Variants in RAI1 observed in about 807,000 individuals in gnomAD.
The protein encoded by RAI1 is retinoic acid induced 1.
RAI1 carries 9 observed loss-of-function variants against 123.8 expected under a neutral mutation model. The ratio of observed to expected loss-of-function variants is 0.07; its 90% CI spans 0.04 to 0.13. RAI1 has a LOEUF of 0.13. RAI1 is among the 10% of genes least tolerant of loss of function. The pLI, the probability that RAI1 is intolerant of heterozygous loss-of-function variation, is 1.00. For synonymous variants in RAI1, 1,231 were observed against 1,127.3 expected (o/e 1.09, Z -1.84); for missense variants, 2,256 against 2,545.8 (o/e 0.89, Z 2.45).
chr17:17,795,809 A>G lies in RAI1; in HGVS notation c.2861A>G (p.Glu954Gly). ...CTGTCACACATGAAGCCAGGTGAAGAGGGGCCTGATGGGGAGCGAGCTCCA... is the reference window on the plus strand; with the variant it reads ...CTGTCACACATGAAGCCAGGTGAAGGGGGGCCTGATGGGGAGCGAGCTCCA... ...SSLSHMKPGEEGPDGERAPGD... is the reference protein window; with the variant it reads ...SSLSHMKPGEGGPDGERAPGD... The change falls in exon 3 of 6, where the codon GAG (glutamate) becomes GGG (glycine). Residue 954 changes from glutamate (E) to glycine (G), a missense_variant. Physicochemically the swap from Glu to Gly is moderately conservative, Grantham distance 98. Around this residue, in one of 7 missense-constraint regions of RAI1, gnomAD observed 566 missense variants for 616.0 expected, o/e 0.92. Transcript: ENST00000353383. This position sits in a 1 kb window ranked among gnomAD's most constrained non-coding sequence, Gnocchi z 5.9. 1 of 1,613,628 alleles carries G rather than the reference A, an allele frequency of 6.2e-7. No individual in the cohort carries two copies.
Position 17,797,171 on chromosome 17 carries a change from T to C in RAI1, c.4223T>C (p.Leu1408Ser), listed in dbSNP as rs2032289537. Residue 1408 changes from leucine to serine, a missense_variant, in exon 3 of 6, where the codon TTA becomes TCA. Leu to Ser is a moderately radical substitution (Grantham distance 145). This residue lies in a region of RAI1 where 410 missense variants were observed against 374.6 expected (regional missense o/e 1.09). Coordinates refer to ENST00000353383, the MANE Select transcript of RAI1 (RefSeq NM_030665.4). The part of the protein sequence containing the change: ...PLCRNPTNRS[L>S]KGKLMNSKKL... ...TGCAGAAATCCAACCAACAGATCCT[T>C]AAAAGGCAAACTCATGAACAGTAAG... The C allele has an allele frequency of 6.2e-7, 1 of 1,613,766 alleles. No individual in the cohort carries two copies. Among genetic ancestry groups the C allele is most frequent in the East Asian group, 2.2e-5 (1 of 44,882 alleles).
chr17:17,716,402 A>G (rs1225995000), intron 1 of RAI1, among the ~76,000 whole-genome samples: 1 of 152,222 alleles, frequency 6.6e-6, no homozygotes, highest in Non-Finnish European at 1.5e-5. Flanking sequence ...ATACATGTGT[A>G]TATGTGTATA....
At chr17:17,746,786 C>G (rs2029942966) in intron 2 of RAI1, among the ~76,000 whole-genome samples, 1 of 152,026 alleles carries the variant, frequency 6.6e-6, no homozygotes, top group Non-Finnish European at 1.5e-5. Context: ...CAGGCATGCA[C>G]CACCACGCCC....
At chr17:17,687,045 G>A (rs1007872709) in intron 1 of RAI1, among the ~76,000 whole-genome samples, 2 of 152,004 alleles carry the variant, frequency 1.3e-5, no homozygotes, top group African/African-American at 4.8e-5. Context: ...GTGCAATGGT[G>A]CGATCTCAGC....
chr17:17,807,113 G>A (rs1164311471), intron 4 of RAI1, among the ~76,000 whole-genome samples: 2 of 152,172 alleles, frequency 1.3e-5, no homozygotes, highest in African/African-American at 4.8e-5. Flanking sequence ...CTGAGGAGGA[G>A]GGTGGACCCC....
At chr17:17,695,277 A>G (rs576196679) in intron 1 of RAI1, among the ~76,000 whole-genome samples, 118 of 152,282 alleles carry the variant, frequency 7.7e-4, no homozygotes, top group Middle Eastern at 3.4e-3. Context: ...CACCCGGTCC[A>G]GGCCTGGACC....
At chr17:17,687,888 G>C (rs1390241916) in intron 1 of RAI1, among the ~76,000 whole-genome samples, 2 of 151,980 alleles carry the variant, frequency 1.3e-5, no homozygotes, top group Non-Finnish European at 2.9e-5. Context: ...AAATTAGCCA[G>C]GTGTGGTGGC....
At position 17,793,077 on chromosome 17, in the gene RAI1, G is replaced by A. The variant is rs373365549; in HGVS notation, c.129G>A (p.Gln43=). The A allele has an allele frequency of 1.6e-5, 26 of 1,613,500 alleles. No individual in the cohort carries two copies. Among genetic ancestry groups the A allele is most frequent in the Non-Finnish European group, 2.1e-5 (25 of 1,179,724 alleles). Residue 43 remains glutamine, a synonymous_variant, in exon 3 of 6, where the codon CAG becomes CAA. Transcript: ENST00000353383. ...PSQAGLSCDR[Q]RLLAKDYYNP... Reference sequence around the variant, plus strand: ...AGGCCGGGCTAAGCTGCGACCGGCAGCGGCTGCTCGCCAAGGACTATTATA... The same window carrying A: ...AGGCCGGGCTAAGCTGCGACCGGCAACGGCTGCTCGCCAAGGACTATTATA...
Position 17,797,275 on chromosome 17 carries a change from G to C in RAI1, c.4327G>C (p.Ala1443Pro). 6.2e-7 allele frequency: 1 copy of C among 1,613,094 alleles called. No individual in the cohort carries two copies. Among genetic ancestry groups the C allele is most frequent in the Middle Eastern group, 1.7e-4 (1 of 6,034 alleles). Residue 1443 changes from alanine (A) to proline (P), a missense_variant, in exon 3 of 6, where the codon GCG becomes CCG. Physicochemically the swap from Ala to Pro is conservative, Grantham distance 27 (BLOSUM62 -1). This residue lies in a region of RAI1 where 410 missense variants were observed against 374.6 expected (regional missense o/e 1.09). Transcript: ENST00000353383. Reference sequence around the variant, plus strand: ...CCTGCAGCCTGGGGGGACTGCCCTGGCGCCTAAGAAGAGGAGCCGGAAAGG... The same window carrying C: ...CCTGCAGCCTGGGGGGACTGCCCTGCCGCCTAAGAAGAGGAGCCGGAAAGG... ...EALQPGGTAL[A>P]PKKRSRKGRA...
At chr17:17,790,191 A>G (rs1002898975) in intron 2 of RAI1, among the ~76,000 whole-genome samples, 5 of 152,194 alleles carry the variant, frequency 3.3e-5, no homozygotes, top group African/African-American at 9.6e-5. Flanking sequence ...AGCCCATAGC[A>G]GGCCTGAGGC....
At chr17:17,728,977 C>G (rs780848566) in intron 2 of RAI1, among the ~76,000 whole-genome samples, 9 of 152,178 alleles carry the variant, frequency 5.9e-5, no homozygotes, top group Non-Finnish European at 1.2e-4. Context: ...TTGCTGAGGT[C>G]CGAGCAGCAC....
chr17:17,722,284 A>AATGC (rs977170739), intron 1 of RAI1, among the ~76,000 whole-genome samples: 1 of 152,156 alleles, frequency 6.6e-6, no homozygotes, highest in African/African-American at 2.4e-5. Flanking sequence ...TGAATGAATG[A>AATGC]ATGCATGCGT....
At chr17:17,756,649 C>T (rs1310895141) in intron 2 of RAI1, among the ~76,000 whole-genome samples, 3 of 95,560 alleles carry the variant, frequency 3.1e-5, no homozygotes, top group Non-Finnish European at 5.4e-5. Flanking sequence ...TAGAGTCTTC[C>T]GCAAATCCTT....
Position 17,795,561 on chromosome 17 carries a change from C to G in RAI1, c.2613C>G (p.Tyr871Ter). The change falls in exon 3 of 6, where the codon TAC becomes TAG. Residue 871 changes from tyrosine to a stop codon, truncating the protein, a stop_gained. Coordinates refer to ENST00000353383, the MANE Select transcript of RAI1 (RefSeq NM_030665.4). LOFTEE classifies it high-confidence loss of function. The surrounding 1 kb of genome is among the most constrained non-coding windows in gnomAD (Gnocchi z 5.9). ...RKEDLEAEEE[Y>*]SSLCELLGSP... ...AGGACCTGGAAGCTGAGGAGGAGTA[C>G]TCCTCCCTATGTGAGCTCCTGGGCA... 1.2e-6 allele frequency: 2 copies of G among 1,609,710 alleles called. No homozygotes were observed. The highest frequency in any genetic ancestry group is 1.1e-5 in the South Asian group (1 of 90,380).
chr17:17,744,094 G>T (rs1916731463), intron 2 of RAI1, among the ~76,000 whole-genome samples: 1 of 152,242 alleles, frequency 6.6e-6, no homozygotes, highest in Non-Finnish European at 1.5e-5. Context: ...GTGAATGGTG[G>T]CACTGGTGCA....
chr17:17,810,173 G>T lies in RAI1; in HGVS notation c.*192G>T. On this transcript the variant is annotated 3_prime_UTR_variant, in exon 6 of 6. Coordinates refer to ENST00000353383, the MANE Select transcript of RAI1 (RefSeq NM_030665.4). The surrounding 1 kb of genome is among the most constrained non-coding windows in gnomAD (Gnocchi z 4.6). ...CAGACTTGCGGCCCCGGGTTGGGAG[G>T]AAAACCCGTTCCGGAGCCGCCTGCT... 8 of 807,932 alleles carry T rather than the reference G, an allele frequency of 9.9e-6. No homozygotes were observed. Among genetic ancestry groups the T allele is most frequent in the Non-Finnish European group, 1.5e-5 (8 of 537,392 alleles). 50.0% of individuals were successfully genotyped at this position (807,932 alleles called of 1,614,324 possible). A position where few individuals can be genotyped will look rare whatever the true frequency, so the allele number is the denominator to read the frequency against.
rs1158541331 is a variant in RAI1, at chr17:17,793,421, C to A, written c.473C>A (p.Ala158Glu). The A allele has an allele frequency of 1.2e-6, 2 of 1,613,290 alleles. No individual in the cohort carries two copies. Among genetic ancestry groups the A allele is most frequent in the Admixed American group, 3.3e-5 (2 of 59,984 alleles). The change falls in exon 3 of 6, where the codon GCA (alanine) becomes GAA (glutamate). Residue 158 changes from alanine (A) to glutamate (E), a missense_variant. Transcript: ENST00000353383. Reference protein sequence around the residue: ...KTAVPPSRQYAEQGAQVPFRT... With the variant: ...KTAVPPSRQYEEQGAQVPFRT... ...GCAGTGCCCCCCAGCAGGCAGTATG[C>A]AGAGCAGGGCGCCCAGGTGCCCTTT...
At chr17:17,745,293 G>A (rs1021086524) in intron 2 of RAI1, among the ~76,000 whole-genome samples, 2 of 151,770 alleles carry the variant, frequency 1.3e-5, no homozygotes, top group African/African-American at 4.8e-5. Flanking sequence ...GAGTCCCTGT[G>A]GGATGGCCAT....
At chr17:17,808,329 CCA>C (rs2032634687) in intron 4 of RAI1, among the ~76,000 whole-genome samples, 1 of 151,816 alleles carries the variant, frequency 6.6e-6, no homozygotes, top group African/African-American at 2.4e-5. Flanking sequence ...CCACTGCATG[CCA>C]CACATGTGCA....
Sources: gnomAD v4.1 joint callset for allele counts (sites outside exome capture counted in the v4.1 genomes callset) on GRCh38, gnomAD v4.1.1 for gene constraint, gnomAD v4.1.1 regional missense constraint, Gnocchi (gnomAD v3.1) non-coding constraint, MANE v1.5 for transcripts, NCBI Gene and HGNC (gene_info 2026-07-23, HGNC 2026-07-21) for gene names.